DENND1A: variants seen among roughly 807,000 people sequenced by gnomAD.
The protein encoded by DENND1A is DENN domain-containing protein 1A.
A neutral mutation model predicts 113.7 loss-of-function variants in DENND1A; 51 were observed. The observed-to-expected ratio is 0.45, with a 90% CI of 0.36 to 0.57. DENND1A has a LOEUF of 0.57. Among genes scored for constraint, DENND1A ranks in the 20% least tolerant of loss-of-function variants. DENND1A has a pLI of 0.00. For synonymous variants in DENND1A, 565 were observed against 570.8 expected (o/e 0.99, Z 0.14); for missense variants, 1,258 against 1,395.9 (o/e 0.90, Z 1.57).
chr9:123,845,648 T>C (rs1590340574), intron 2 of DENND1A, among the ~76,000 whole-genome samples: 2 of 113,582 alleles, frequency 1.8e-5, no homozygotes. Context: ...CCAGCCTGGG[T>C]GACCAAGTGA....
At chr9:123,588,419 G>T (rs192267444) in intron 11 of DENND1A, among the ~76,000 whole-genome samples, 3 of 151,488 alleles carry the variant, frequency 2.0e-5, no homozygotes, top group Non-Finnish European at 4.4e-5. Context: ...AGGAGTTCAA[G>T]ACCAGCCTGG....
At chr9:123,577,934 T>C (rs1454004909) in intron 12 of DENND1A, among the ~76,000 whole-genome samples, 4 of 152,200 alleles carry the variant, frequency 2.6e-5, no homozygotes, top group Non-Finnish European at 5.9e-5. Context: ...TCTCTTATCA[T>C]TGTCCTGAAT....
intron 12 of DENND1A, among the ~76,000 whole-genome samples, chr9:123,563,833 G>A (rs922593762): frequency 6.6e-5 from 10 of 152,060 alleles, no homozygotes; most frequent in African/African-American, 2.2e-4. Context: ...TCTTCTACTT[G>A]ATTTCAAAGG....
intron 13 of DENND1A, among the ~76,000 whole-genome samples, chr9:123,459,575 C>T (rs2048381000): frequency 6.6e-6 from 1 of 152,068 alleles, no homozygotes; most frequent in South Asian, 2.1e-4. Flanking sequence ...AGAGCTAACA[C>T]CTCACTTTTT....
intron 9 of DENND1A, among the ~76,000 whole-genome samples, chr9:123,641,995 T>C (rs2062054199): frequency 6.6e-6 from 1 of 152,194 alleles, no homozygotes; most frequent in African/African-American, 2.4e-5. Flanking sequence ...TCCAAAGTGC[T>C]TGATGTTTGT....
At chr9:123,465,268 T>C (rs576529485) in intron 13 of DENND1A, among the ~76,000 whole-genome samples, 4 of 149,646 alleles carry the variant, frequency 2.7e-5, no homozygotes, top group Non-Finnish European at 5.9e-5. Context: ...AACAGTACAG[T>C]GTGACAGCTA....
intron 2 of DENND1A, among the ~76,000 whole-genome samples, chr9:123,869,112 T>C (rs1156714073): frequency 1.3e-5 from 2 of 152,244 alleles, no homozygotes; most frequent in African/African-American, 2.4e-5. Flanking sequence ...ATATAATTTG[T>C]GTGATAGCTT....
At chr9:123,448,949 G>T (rs1239024783) in intron 18 of DENND1A, among the ~76,000 whole-genome samples, 2 of 152,212 alleles carry the variant, frequency 1.3e-5, no homozygotes, top group African/African-American at 2.4e-5. Flanking sequence ...TGGTACGTTT[G>T]GGGGCATAGG....
At position 123,431,638 on chromosome 9, in the gene DENND1A, G is replaced by C. The variant is rs556343983; in HGVS notation, c.1488+8722C>G. Among the ~76,000 whole-genome samples, 4 of 152,206 alleles carry C rather than the reference G, an allele frequency of 2.6e-5. 1 individual carries two copies. The highest frequency in any genetic ancestry group is 4.1e-4 in the South Asian group (2 of 4,836). ...TGAGCCTGTCTCCTCCTCTCCAAGA[G>C]AGGATACCACCTGAGCCCCTTACAG... is the stretch of plus-strand genomic sequence containing the variant. On this transcript the variant is annotated intron_variant, in intron 19 of 23. Transcript: ENST00000394215.
chr9:123,689,952 G>A (rs1415377429), intron 5 of DENND1A, among the ~76,000 whole-genome samples: 1 of 151,034 alleles, frequency 6.6e-6, no homozygotes, highest in Non-Finnish European at 1.5e-5. Context: ...TCGCGCCACT[G>A]TACTCCAGCC....
chr9:123,583,236 A>G lies in DENND1A; in HGVS notation c.800T>C (p.Ile267Thr), dbSNP rs770338025. 5.6e-5 allele frequency: 90 copies of G among 1,612,604 alleles called. No homozygotes were observed. Among genetic ancestry groups the G allele is most frequent in the Non-Finnish European group, 7.4e-5 (87 of 1,179,288 alleles). Residue 267 changes from isoleucine to threonine, a missense_variant, in exon 12 of 24, where the codon ATC (isoleucine) becomes ACC (threonine). Physicochemically the swap from Ile to Thr is moderately conservative, Grantham distance 89. Coordinates refer to ENST00000394215, the MANE Select transcript of DENND1A (RefSeq NM_001352964.2). ...CAGGGTGTTGGTGTCCACATTCAGG[A>G]TCACGACATCATCCAGGGCCATGTT... is the stretch of plus-strand genomic sequence containing the variant. ...VRNMALDDVV[I>T]LNVDTNTLET...
At chr9:123,828,491 T>C (rs1322674877) in intron 2 of DENND1A, among the ~76,000 whole-genome samples, 1 of 151,564 alleles carries the variant, frequency 6.6e-6, no homozygotes, top group Non-Finnish European at 1.5e-5. Context: ...TGTTAAGAAA[T>C]ACCCAAAATT....
At chr9:123,392,896 G>A (rs149124075) in intron 21 of DENND1A, among the ~76,000 whole-genome samples, 2 of 152,264 alleles carry the variant, frequency 1.3e-5, no homozygotes, top group African/African-American at 2.4e-5. Context: ...TCCCACTTAT[G>A]AGTGAGAACA....
At chr9:123,583,142 T>G (rs1475619035) in intron 12 of DENND1A, 27 bp downstream of exon 12, 520 of 1,519,784 alleles carry the variant, frequency 3.4e-4, no homozygotes, top group Non-Finnish European at 4.3e-4. Flanking sequence ...CTCACAGAAG[T>G]GAGATCCTCG....
At chr9:123,725,205 T>G (rs756631592) in intron 5 of DENND1A, among the ~76,000 whole-genome samples, 36 of 152,252 alleles carry the variant, frequency 2.4e-4, no homozygotes, top group Non-Finnish European at 4.3e-4. Flanking sequence ...TGACCCTCAT[T>G]ATATTTTTCT....
In DENND1A at chr9:123,614,354, C is replaced by T. The variant is rs561396791; in HGVS notation, c.720-4873G>A. ...TTGGTTCCAGGCCTGTGATGCTGAG[C>T]GCTTCTCTGACAGGTAAGTCCTATG... On this transcript the variant is annotated intron_variant, in intron 10 of 23. Transcript: ENST00000394215. Among the ~76,000 whole-genome samples, 15 of 152,288 alleles carry T rather than the reference C, an allele frequency of 9.8e-5. No individual in the cohort carries two copies. In the East Asian group the frequency reaches 1.7e-3, roughly 18 times the overall value.
rs373921365 is a variant in DENND1A at position 123,403,486 on chromosome 9, C to T, written c.1547G>A (p.Arg516His). Residue 516 changes from arginine to histidine, a missense_variant, in exon 21 of 24, where the codon CGC becomes CAC. Transcript: ENST00000394215. ...CTTAACAACATGTGGACGAGGTGGG[C>T]GCACCTAGAGGAGGTACAGGGGGAG... ...PPKIQRSRPV[R>H]PPRPHVVKRP... The T allele has an allele frequency of 3.1e-5, 50 of 1,613,848 alleles. No individual in the cohort carries two copies. Among genetic ancestry groups the T allele is most frequent in the Middle Eastern group, 1.6e-4 (1 of 6,062 alleles).
At chr9:123,618,292 C>G (rs1482420418) in intron 10 of DENND1A, among the ~76,000 whole-genome samples, 1 of 152,206 alleles carries the variant, frequency 6.6e-6, no homozygotes, top group Non-Finnish European at 1.5e-5. Context: ...AGGAACATAT[C>G]TAGAGTGTCG....
intron 7 of DENND1A, among the ~76,000 whole-genome samples, chr9:123,669,587 C>T (rs962037592): frequency 6.6e-5 from 10 of 152,204 alleles, no homozygotes. Flanking sequence ...AGGAGTGGAC[C>T]TTCCTCCCTA....
Sources: allele counts gnomAD v4.1 joint callset (sites outside exome capture counted in the v4.1 genomes callset), GRCh38; gene constraint gnomAD v4.1.1; transcripts MANE v1.5; gene names NCBI Gene and HGNC (gene_info 2026-07-23, HGNC 2026-07-21).